RNF220: variants seen among roughly 807,000 people sequenced by gnomAD.
RNF220 encodes E3 ubiquitin-protein ligase RNF220.
Under a neutral mutation model 67.1 loss-of-function variants are expected in RNF220, and 7 were observed. That is an observed-to-expected ratio of 0.10 (90% confidence interval 0.06 to 0.20). The LOEUF (loss-of-function observed/expected upper bound fraction) is 0.20, where lower values mean the gene tolerates loss of function less well. Among genes scored for constraint, RNF220 ranks in the 10% least tolerant of loss-of-function variants. RNF220 has a pLI of 1.00. For missense variants in RNF220, 565 were observed against 740.3 expected (o/e 0.76, Z 2.75); for synonymous variants, 270 against 283.2 (o/e 0.95, Z 0.47).
chr1:44,532,475 A>G (rs898844691), intron 2 of RNF220, among the ~76,000 whole-genome samples: 1 of 152,200 alleles, frequency 6.6e-6, no homozygotes, highest in Non-Finnish European at 1.5e-5. Flanking sequence ...GGCATCTTTT[A>G]TCACGTGGTT....
chr1:44,596,103 T>A (rs1666466307), intron 2 of RNF220, among the ~76,000 whole-genome samples: 1 of 152,184 alleles, frequency 6.6e-6, no homozygotes, highest in Non-Finnish European at 1.5e-5. Context: ...AAATGACTCT[T>A]CTGGAAATGG....
intron 8 of RNF220, among the ~76,000 whole-genome samples, chr1:44,639,028 C>T (rs1316232744): frequency 1.3e-5 from 2 of 152,198 alleles, no homozygotes; most frequent in African/African-American, 4.8e-5. Flanking sequence ...ACATAAAGGA[C>T]AGCACACAGA....
At chr1:44,591,003 C>T (rs1450188818) in intron 2 of RNF220, among the ~76,000 whole-genome samples, 1 of 152,112 alleles carries the variant, frequency 6.6e-6, no homozygotes, top group Admixed American at 6.5e-5. Context: ...CTCTTATCAC[C>T]CAGGCTGGAG....
chr1:44,540,802 AG>A (rs1436050956), intron 2 of RNF220, among the ~76,000 whole-genome samples: 1 of 152,164 alleles, frequency 6.6e-6, no homozygotes, highest in Non-Finnish European at 1.5e-5. Flanking sequence ...GTCTCTGTCC[AG>A]AACCGAGGGA....
At chr1:44,420,078 A>G (rs1649041226) in intron 2 of RNF220, among the ~76,000 whole-genome samples, 1 of 152,220 alleles carries the variant, frequency 6.6e-6, no homozygotes, top group African/African-American at 2.4e-5. Flanking sequence ...TTGTAGACAC[A>G]TGTAACCATC....
At chr1:44,616,496 C>T (rs1318292797) in intron 3 of RNF220, among the ~76,000 whole-genome samples, 6 of 152,144 alleles carry the variant, frequency 3.9e-5, no homozygotes, top group Non-Finnish European at 8.8e-5. Context: ...AGTTAAGTGA[C>T]ATCTCTAAGG....
intron 2 of RNF220, among the ~76,000 whole-genome samples, chr1:44,590,787 G>GACAAGTAAAAGTGTAATCAC (rs1319501362): frequency 2.0e-5 from 3 of 152,194 alleles, no homozygotes; most frequent in Non-Finnish European, 4.4e-5. Context: ...TAAAGAAATA[G>GACAAGTAAAAGTGTAATCAC]ACAAGTAAAA....
chr1:44,567,539 T>C (rs962960059), intron 2 of RNF220, among the ~76,000 whole-genome samples: 2 of 151,892 alleles, frequency 1.3e-5, no homozygotes, highest in Non-Finnish European at 2.9e-5. Context: ...TCTCAAGCGA[T>C]CTTGAGAAGA....
chr1:44,624,901 A>AT lies in RNF220; in HGVS notation c.805-1388dup, dbSNP rs996243895. On this transcript the variant is annotated intron_variant, in intron 4 of 14. Coordinates refer to ENST00000361799, the MANE Select transcript of RNF220 (RefSeq NM_018150.4). This position sits in a 1 kb window ranked among gnomAD's most constrained non-coding sequence, Gnocchi z 4.2. ...CAAAAAGTCATGATTTAATGCCGGG[A>AT]TTTTTTTTCAAAACACATTTTACTG... Among the ~76,000 whole-genome samples the AT allele has an allele frequency of 6.6e-6, 1 of 152,078 alleles. No individual in the cohort carries two copies. Among genetic ancestry groups the AT allele is most frequent in the East Asian group, 1.9e-4 (1 of 5,190 alleles).
intron 2 of RNF220, among the ~76,000 whole-genome samples, chr1:44,414,594 A>G (rs1163221490): frequency 6.6e-6 from 1 of 152,136 alleles, no homozygotes; most frequent in East Asian, 1.9e-4. Flanking sequence ...CCTGGTTTGC[A>G]TTGTGTGGTG....
At chr1:44,424,601 G>T (rs996338781) in intron 2 of RNF220, among the ~76,000 whole-genome samples, 11 of 152,120 alleles carry the variant, frequency 7.2e-5, no homozygotes, top group Non-Finnish European at 1.3e-4. Context: ...GGCAGGCAGG[G>T]GAAGGGTGAA....
chr1:44,473,484 G>A (rs1655003757), intron 2 of RNF220, among the ~76,000 whole-genome samples: 1 of 121,932 alleles, frequency 8.2e-6, no homozygotes, highest in Non-Finnish European at 1.6e-5. Context: ...AGCTCATCAG[G>A]GATGGCGGGG....
intron 6 of RNF220, 126 bp downstream of exon 6, chr1:44,632,511 C>T (rs553850464): frequency 2.1e-6 from 2 of 941,944 alleles, no homozygotes; most frequent in South Asian, 2.9e-5. Context: ...TTCGCAGTCA[C>T]GGCGCCTGAG....
intron 2 of RNF220, among the ~76,000 whole-genome samples, chr1:44,423,394 C>T (rs994186770): frequency 6.6e-6 from 1 of 152,218 alleles, no homozygotes; most frequent in African/African-American, 2.4e-5. Flanking sequence ...GCACTTCATC[C>T]TATAACCAGG....
At chr1:44,445,171 CT>C (rs1189926482) in intron 2 of RNF220, among the ~76,000 whole-genome samples, 1 of 152,084 alleles carries the variant, frequency 6.6e-6, no homozygotes, top group African/African-American at 2.4e-5. Context: ...GGTGAAGTGC[CT>C]GTTCAATGTT....
intron 2 of RNF220, among the ~76,000 whole-genome samples, chr1:44,483,409 AG>A: frequency 6.6e-6 from 1 of 152,344 alleles, no homozygotes. Context: ...GCACTATTTT[AG>A]AAAGCATCTC....
chr1:44,475,722 T>C (rs1319247081), intron 2 of RNF220, among the ~76,000 whole-genome samples: 1 of 147,090 alleles, frequency 6.8e-6, no homozygotes, highest in East Asian at 2.1e-4. Flanking sequence ...AGTGTATTAA[T>C]CTCTACAGAG....
At chr1:44,587,709 C>T (rs868363675) in intron 2 of RNF220, among the ~76,000 whole-genome samples, 4 of 152,154 alleles carry the variant, frequency 2.6e-5, no homozygotes, top group Admixed American at 6.5e-5. Context: ...ACATGTGTTC[C>T]GATAACTTAA....
intron 3 of RNF220, among the ~76,000 whole-genome samples, chr1:44,619,803 A>G (rs1385228540): frequency 1.3e-5 from 2 of 152,166 alleles, no homozygotes; most frequent in South Asian, 2.1e-4. Context: ...CAGGCCCTTC[A>G]GCAGACTCCT....
Sources: gnomAD v4.1 joint callset for allele counts (sites outside exome capture counted in the v4.1 genomes callset) on GRCh38, gnomAD v4.1.1 for gene constraint, Gnocchi (gnomAD v3.1) non-coding constraint, MANE v1.5 for transcripts, NCBI Gene and HGNC (gene_info 2026-07-23, HGNC 2026-07-21) for gene names.